The following CLUH variants were observed in gnomAD, a reference collection of about 807,000 sequenced individuals.
The protein encoded by CLUH is CLUH binding protein of NUMT mRNA.
A neutral mutation model predicts 139.3 loss-of-function variants in CLUH; 77 were observed. The ratio of observed to expected loss-of-function variants is 0.55; its 90% CI spans 0.46 to 0.67. The LOEUF is 0.67. CLUH is among the 30% of genes least tolerant of loss of function. CLUH has a pLI of 0.00. For synonymous variants in CLUH, 999 were observed against 801.6 expected (o/e 1.25, Z -4.16); for missense variants, 1,876 against 1,875.8 (o/e 1.00, Z 0.00).
Position 2,696,492 on chromosome 17 carries a change from G to A in CLUH, c.2232C>T (p.Val744=), listed in dbSNP as rs778827445. 9.4e-6 allele frequency: 15 copies of A among 1,592,062 alleles called. No individual in the cohort carries two copies. Among genetic ancestry groups the A allele is most frequent in the Admixed American group, 5.2e-5 (3 of 57,282 alleles). ...REVIRNACKA[V]GSISSTAFDI... ...CGAAGGCGGTGCTGCTGATGGAGCC[G>A]ACCGCCTTGCACGCGTTGCGGATCA... The change falls in exon 12 of 26, where the codon GTC becomes GTT. Residue 744 remains valine, a synonymous_variant. Coordinates refer to ENST00000651024, the MANE Select transcript of CLUH (RefSeq NM_001366661.1).
chr17:2,691,547 C>T (rs1321962258), intron 25 of CLUH, 62 bp downstream of exon 25: 2 of 1,522,442 alleles, frequency 1.3e-6, no homozygotes, highest in Non-Finnish European at 1.8e-6. Flanking sequence ...GGTGACAGGG[C>T]GAGACTCCGA....
chr17:2,700,536 A>T, intron 8 of CLUH, 62 bp from the exon 9 acceptor site: 1 of 1,568,156 alleles, frequency 6.4e-7, no homozygotes, highest in South Asian at 1.1e-5. Flanking sequence ...TGCTCCCGGA[A>T]GTCGCTCCTT....
intron 11 of CLUH, 29 bp downstream of exon 11, chr17:2,696,688 GCT>G (rs2069959891): frequency 1.2e-6 from 2 of 1,606,958 alleles, no homozygotes; most frequent in African/African-American, 2.7e-5. Flanking sequence ...GCCAGCCCGG[GCT>G]CTCTCCCGGC....
chr17:2,701,715 G>A lies in CLUH; in HGVS notation c.642C>T (p.Gly214=). The change falls in exon 5 of 26, where the codon GGC becomes GGT. Residue 214 remains glycine, a synonymous_variant. Transcript: ENST00000651024. ...DLGDSGKRKK[G]LEMDPIDCTP... ...TGCAGTCGATGGGGTCCATCTCCAA[G>A]CCCTTCTTCCGCTTCCCGCTGTCTG... 6.3e-7 allele frequency: 1 copy of A among 1,575,680 alleles called. No homozygotes were observed. The highest frequency in any genetic ancestry group is 2.3e-5 in the East Asian group (1 of 44,388).
intron 1 of CLUH, among the ~76,000 whole-genome samples, chr17:2,705,988 T>C (rs960598576): frequency 2.7e-5 from 4 of 150,794 alleles, no homozygotes; most frequent in Admixed American, 1.3e-4. Flanking sequence ...GATCTGTCCA[T>C]GGGCCAGGCT....
At chr17:2,694,638 C>G in intron 16 of CLUH, 74 bp from the exon 17 acceptor site, 1 of 1,433,056 alleles carries the variant, frequency 7.0e-7, no homozygotes, top group Non-Finnish European at 9.5e-7. Context: ...CCCAGCTCCC[C>G]AACGCTGTCC....
chr17:2,692,377 G>C lies in CLUH; in HGVS notation c.3544C>G (p.Leu1182Val). ...VSTKYHGPKA[L>V]KVALSHHLVA... ...GCCCCTCACCTGAGGGCCACCTTGA[G>C]GGCCTTGGGCCCGTGGTACTTGGTG... Residue 1182 changes from leucine to valine, a missense_variant, in exon 22 of 26, where the codon CTC (leucine) becomes GTC (valine). This residue lies in a region of CLUH where 1,454 missense variants were observed against 1,384.4 expected (regional missense o/e 1.05). Coordinates refer to ENST00000651024, the MANE Select transcript of CLUH (RefSeq NM_001366661.1). 6.3e-7 allele frequency: 1 copy of C among 1,587,580 alleles called. No individual in the cohort carries two copies. Among genetic ancestry groups the C allele is most frequent in the Non-Finnish European group, 8.5e-7 (1 of 1,174,354 alleles).
At chr17:2,696,981 T>A in intron 10 of CLUH, 39 bp from the exon 11 acceptor site, 1 of 1,457,220 alleles carries the variant, frequency 6.9e-7, no homozygotes, top group Non-Finnish European at 9.2e-7. Flanking sequence ...GAGCTGGACA[T>A]CGGGGAGAGG....
In CLUH at chr17:2,695,237, A is replaced by G. The variant is rs1167966578; in HGVS notation, c.2588T>C (p.Ile863Thr). Reference protein sequence around the residue: ...GELITRSAKHIFKTYLQGVEL... With the variant: ...GELITRSAKHTFKTYLQGVEL... ...TGGCACCTGTAAGTACGTCTTGAAG[A>G]TGTGCTTGGCCGAGCGGGTGATGAG... is the stretch of plus-strand genomic sequence containing the variant. The change falls in exon 15 of 26, where the codon ATC becomes ACC. Residue 863 changes from isoleucine to threonine, a missense_variant. Physicochemically the swap from Ile to Thr is moderately conservative, Grantham distance 89. This residue lies in a region of CLUH where 1,454 missense variants were observed against 1,384.4 expected (regional missense o/e 1.05). Coordinates refer to ENST00000651024, the MANE Select transcript of CLUH (RefSeq NM_001366661.1). 1 of 1,613,842 alleles carries G rather than the reference A, an allele frequency of 6.2e-7. No individual in the cohort carries two copies. Among genetic ancestry groups the G allele is most frequent in the Admixed American group, 1.7e-5 (1 of 60,026 alleles).
intron 1 of CLUH, among the ~76,000 whole-genome samples, chr17:2,709,682 A>C (rs2070453383): frequency 6.6e-6 from 1 of 152,144 alleles, no homozygotes; most frequent in Admixed American, 6.5e-5. Context: ...TCAATGGCCT[A>C]GATCAGCTCC....
At chr17:2,693,441 G>GA (rs1328737207) in intron 19 of CLUH, among the ~76,000 whole-genome samples, 1 of 152,034 alleles carries the variant, frequency 6.6e-6, no homozygotes, top group Admixed American at 6.6e-5. Context: ...ATAAACAGAA[G>GA]AAAAAACAGT....
rs377332576 is a variant in CLUH at position 2,706,439 on chromosome 17, C to T, written c.101-1875G>A. 6.6e-6 allele frequency among the ~76,000 whole-genome samples: 1 copy of T among 152,244 alleles called. No homozygotes were observed. The highest frequency in any genetic ancestry group is 2.4e-5 in the African/African-American group (1 of 41,534). ...ACTCCCTCCTGCAGCCCGCACCCTA[C>T]GCCGCGGCACTCCCTCAACTCTGGC... On this transcript the variant is annotated intron_variant, in intron 1 of 25. Coordinates refer to ENST00000651024, the MANE Select transcript of CLUH (RefSeq NM_001366661.1). This position sits in a 1 kb window ranked among gnomAD's most constrained non-coding sequence, Gnocchi z 4.6.
intron 9 of CLUH, 65 bp downstream of exon 9, chr17:2,700,317 T>A (rs1335247845): frequency 6.1e-6 from 9 of 1,472,556 alleles, no homozygotes; most frequent in Non-Finnish European, 7.4e-6. Flanking sequence ...CTCCTCTCCA[T>A]GAGAAAACCC....
Position 2,690,706 on chromosome 17 carries a change from C to T in CLUH, c.3935G>A (p.Arg1312Lys), listed in dbSNP as rs2151685941. ...AGCCATGGGCTCCTCGGCTCTATCC[C>T]TGTTTCTGCTGGCCTCCTGGAGCTG... ...RHQLQEASRN[R>K]DRAEEPMATE... The change falls in exon 26 of 26, where the codon AGG (arginine) becomes AAG (lysine). Residue 1312 changes from arginine (R) to lysine (K), a missense_variant. By Grantham distance (26) the Arg-to-Lys change is conservative (BLOSUM62 2). Transcript: ENST00000651024. 1 of 1,561,752 alleles carries T rather than the reference C, an allele frequency of 6.4e-7. No individual in the cohort carries two copies.
At chr17:2,702,824 T>C (rs1038036495) in intron 3 of CLUH, among the ~76,000 whole-genome samples, 5 of 151,664 alleles carry the variant, frequency 3.3e-5, no homozygotes. Context: ...TCTGTTCTTT[T>C]GTTTTGTTTT....
At position 2,703,986 on chromosome 17, in the gene CLUH, G is replaced by A. The variant is rs899131924; in HGVS notation, c.303+376C>T. On this transcript the variant is annotated intron_variant, in intron 2 of 25. Coordinates refer to ENST00000651024, the MANE Select transcript of CLUH (RefSeq NM_001366661.1). The surrounding 1 kb of genome is among the most constrained non-coding windows in gnomAD (Gnocchi z 4.2). ...GACCTCCACGCTGGCTCTGCCCTTG[G>A]AGATAACCCAATACTACCCTCCCCT... is the stretch of plus-strand genomic sequence containing the variant. Among the ~76,000 whole-genome samples the A allele has an allele frequency of 6.6e-6, 1 of 152,154 alleles. No homozygotes were observed. Among genetic ancestry groups the A allele is most frequent in the African/African-American group, 2.4e-5 (1 of 41,418 alleles).
At chr17:2,712,009 G>C (rs1007659819), upstream of CLUH, 1 of 152,374 alleles carries the variant, frequency 6.6e-6, no homozygotes. Flanking sequence ...CTGCCCGTCG[G>C]GCGGGCACTG....
At position 2,692,468 on chromosome 17, in the gene CLUH, C is replaced by T; in HGVS notation, c.3453G>A (p.Leu1151=). Reference sequence around the variant, plus strand: ...CGTACTCCATCACCCCGTGCAGCACCAGCCCGATGTTGTTCTGGGGGCAGG... The same window carrying T: ...CGTACTCCATCACCCCGTGCAGCACTAGCCCGATGTTGTTCTGGGGGCAGG... ...EMALLDNNIG[L]VLHGVMEYDL... is the part of the protein sequence containing the mutation. The change falls in exon 22 of 26, where the codon CTG becomes CTA. Residue 1151 remains leucine (L), a synonymous_variant. Coordinates refer to ENST00000651024, the MANE Select transcript of CLUH (RefSeq NM_001366661.1). 2 of 1,599,690 alleles carry T rather than the reference C, an allele frequency of 1.3e-6. No homozygotes were observed. Among genetic ancestry groups the T allele is most frequent in the Non-Finnish European group, 1.7e-6 (2 of 1,178,062 alleles).
At chr17:2,702,159 A>C (rs2070210391) in intron 3 of CLUH, 102 bp from the exon 4 acceptor site, 1 of 1,398,474 alleles carries the variant, frequency 7.2e-7, no homozygotes, top group Non-Finnish European at 9.6e-7. Flanking sequence ...CAGTGGTTTT[A>C]ATTTTCAACT....
Sources: allele counts gnomAD v4.1 joint callset (sites outside exome capture counted in the v4.1 genomes callset), GRCh38; gene constraint gnomAD v4.1.1; regional missense constraint gnomAD v4.1.1; non-coding constraint Gnocchi (gnomAD v3.1); transcripts MANE v1.5; gene names NCBI Gene and HGNC (gene_info 2026-07-23, HGNC 2026-07-21).